Variants in ZBTB17 observed in about 807,000 individuals in gnomAD.
The protein encoded by ZBTB17 is zinc finger and BTB domain-containing protein 17.
In ZBTB17, 24 loss-of-function variants were observed where a neutral mutation model predicts 85.1. The observed-to-expected ratio is 0.28, with a 90% confidence interval of 0.20 to 0.40. The LOEUF (loss-of-function observed/expected upper bound fraction) is 0.40. Among genes scored for constraint, ZBTB17 ranks in the 10% least tolerant of loss-of-function variants. ZBTB17 has a pLI of 1.00. For synonymous variants in ZBTB17, 464 were observed against 460.2 expected (o/e 1.01, Z -0.11); for missense variants, 743 against 1,105.1 (o/e 0.67, Z 4.65).
intron 2 of ZBTB17, among the ~76,000 whole-genome samples, chr1:15,957,652 T>G (rs2072099645): frequency 1.3e-5 from 2 of 152,028 alleles, no homozygotes. Context: ...GGAGGCTTAG[T>G]AGGGGCCCCA....
intron 2 of ZBTB17, among the ~76,000 whole-genome samples, chr1:15,968,964 G>A (rs2072542167): frequency 6.6e-6 from 1 of 152,220 alleles, no homozygotes; most frequent in African/African-American, 2.4e-5. Context: ...GCTGGTCCGT[G>A]GCCTGTTAGG....
chr1:15,968,885 A>T (rs1242229023), intron 2 of ZBTB17, among the ~76,000 whole-genome samples: 1 of 152,202 alleles, frequency 6.6e-6, no homozygotes, highest in Non-Finnish European at 1.5e-5. Flanking sequence ...ACCTTGCAGC[A>T]GGAGGTAAGT....
chr1:15,958,749 A>G (rs2072143434), intron 2 of ZBTB17, among the ~76,000 whole-genome samples: 1 of 152,194 alleles, frequency 6.6e-6, no homozygotes, highest in African/African-American at 2.4e-5. Context: ...CCACACCTAA[A>G]GACAGACGAA....
At chr1:15,944,046 C>T in intron 9 of ZBTB17, 151 bp from the exon 10 acceptor site, 1 of 976,630 alleles carries the variant, frequency 1.0e-6, no homozygotes, top group Non-Finnish European at 1.6e-6. Context: ...GGTCCCAGGT[C>T]CCAGCGGTGA....
intron 1 of ZBTB17, among the ~76,000 whole-genome samples, chr1:15,975,255 A>G (rs972139708): frequency 1.3e-5 from 2 of 152,184 alleles, no homozygotes; most frequent in South Asian, 4.1e-4. Flanking sequence ...CCTTTATTAC[A>G]ATCTTAGGAG....
At chr1:15,947,606 C>A (rs959650383) in intron 3 of ZBTB17, among the ~76,000 whole-genome samples, 1 of 152,124 alleles carries the variant, frequency 6.6e-6, no homozygotes, top group African/African-American at 2.4e-5. Flanking sequence ...TGAATGCCCA[C>A]CCTGCATTGA....
At chr1:15,948,226 C>T in intron 3 of ZBTB17, 65 bp downstream of exon 3, 5 of 1,596,784 alleles carry the variant, frequency 3.1e-6, no homozygotes, top group Non-Finnish European at 4.3e-6. Flanking sequence ...GAGGGCCTAG[C>T]ATGGCACAGG....
At position 15,944,720 on chromosome 1, in the gene ZBTB17, G is replaced by A; in HGVS notation, c.1047C>T (p.Cys349=). 1 of 1,610,400 alleles carries A rather than the reference G, an allele frequency of 6.2e-7. No homozygotes were observed. Among genetic ancestry groups the A allele is most frequent in the Non-Finnish European group, 8.5e-7 (1 of 1,179,900 alleles). Residue 349 remains cysteine, a synonymous_variant, in exon 8 of 16, where the codon TGC becomes TGT. Transcript: ENST00000375743. ...ACCTGTGCGTCTTCTCATGGGCCTTGCACGCGGCCGGGTCGGAAAAGGCCT... is the reference window on the plus strand; with the variant it reads ...ACCTGTGCGTCTTCTCATGGGCCTTACACGCGGCCGGGTCGGAAAAGGCCT... ...CSKAFSDPAA[C]KAHEKTHSPL...
intron 2 of ZBTB17, among the ~76,000 whole-genome samples, chr1:15,967,546 G>T (rs181609045): frequency 4.6e-4 from 70 of 152,018 alleles, no homozygotes; most frequent in South Asian, 2.1e-4. Context: ...TGGGAGGAGA[G>T]GGGGGTAACT....
In ZBTB17 at chr1:15,952,334, C is replaced by G. The variant is rs1179122695; in HGVS notation, c.-2-3837G>C. Among the ~76,000 whole-genome samples, 1 of 152,238 alleles carries G rather than the reference C, an allele frequency of 6.6e-6. No homozygotes were observed. The highest frequency in any genetic ancestry group is 6.5e-5 in the Admixed American group (1 of 15,282). ...AGGTGGACACAGAGCCCTGGGCTCC[C>G]TCACGAGGAATTCACTGGGGAACAA... On this transcript the variant is annotated intron_variant, in intron 2 of 15. Transcript: ENST00000375743. The surrounding 1 kb of genome is among the most constrained non-coding windows in gnomAD (Gnocchi z 4.3).
At position 15,946,171 on chromosome 1, in the gene ZBTB17, G is replaced by A; in HGVS notation, c.518C>T (p.Ala173Val). The A allele has an allele frequency of 6.2e-7, 1 of 1,608,636 alleles. No individual in the cohort carries two copies. Among genetic ancestry groups the A allele is most frequent in the Non-Finnish European group, 8.5e-7 (1 of 1,179,968 alleles). Residue 173 changes from alanine to valine, a missense_variant, in exon 5 of 16, where the codon GCC becomes GTC. This residue lies in a region of ZBTB17 where 279 missense variants were observed against 269.9 expected (regional missense o/e 1.03). Coordinates refer to ENST00000375743, the MANE Select transcript of ZBTB17 (RefSeq NM_003443.3). ...TGACTCACCGCTGGCCGCACTCTGG[G>A]CCTGACCGCCGCGCTCCTCCTTGAG... ...RDLKEERGGQ[A>V]QSAASGAEQT...
At chr1:15,955,223 G>A (rs529542927) in intron 2 of ZBTB17, among the ~76,000 whole-genome samples, 1 of 152,256 alleles carries the variant, frequency 6.6e-6, no homozygotes, top group East Asian at 1.9e-4. Flanking sequence ...GGCCAGGCTT[G>A]TGAGCATGAA....
At chr1:15,971,291 G>T (rs2072641629) in intron 2 of ZBTB17, among the ~76,000 whole-genome samples, 1 of 150,564 alleles carries the variant, frequency 6.6e-6, no homozygotes, top group African/African-American at 2.4e-5. Context: ...TAGGTAGGTG[G>T]GTGGGTGGGG....
At chr1:15,969,627 A>C (rs2072569782) in intron 2 of ZBTB17, 1 of 437,704 alleles carries the variant, frequency 2.3e-6, no homozygotes, top group Non-Finnish European at 4.6e-6. Context: ...CAGGGCAGGG[A>C]GATGATAAAT....
At chr1:15,947,346 C>T in intron 3 of ZBTB17, 1 of 559,542 alleles carries the variant, frequency 1.8e-6, no homozygotes, top group Non-Finnish European at 3.2e-6. Flanking sequence ...TGAATGCCTG[C>T]CCTGCACAGA....
chr1:15,944,608 G>C lies in ZBTB17; in HGVS notation c.1071-8C>G. The C allele has an allele frequency of 6.3e-7, 1 of 1,599,576 alleles. No homozygotes were observed. Among genetic ancestry groups the C allele is most frequent in the South Asian group, 1.1e-5 (1 of 90,950 alleles). ...CCGTAGGGCTTCAGAGGGCTGCAGG[G>C]CCAGAAGGCGACAGGAGGCAGGGCT... On this transcript the variant is annotated splice_region_variant and splice_polypyrimidine_tract_variant and intron_variant, in intron 8 of 15. Coordinates refer to ENST00000375743, the MANE Select transcript of ZBTB17 (RefSeq NM_003443.3).
chr1:15,961,256 A>G (rs1272003986), intron 2 of ZBTB17, among the ~76,000 whole-genome samples: 2 of 152,144 alleles, frequency 1.3e-5, no homozygotes, highest in African/African-American at 4.8e-5. Context: ...ACTTTTTTCC[A>G]TTTAAAACTT....
At position 15,944,282 on chromosome 1, in the gene ZBTB17, C is replaced by A. The variant is rs1210657699; in HGVS notation, c.1371+18G>T. On this transcript the variant is annotated intron_variant, in intron 9 of 15. Coordinates refer to ENST00000375743, the MANE Select transcript of ZBTB17 (RefSeq NM_003443.3). ...ACCGGCGGCTGCCAGGCGCTGGTTC[C>A]GGGAGGGGTCCGCACACCTGGTTGA... 1.3e-6 allele frequency: 2 copies of A among 1,549,672 alleles called. No individual in the cohort carries two copies. Among genetic ancestry groups the A allele is most frequent in the Non-Finnish European group, 1.7e-6 (2 of 1,146,824 alleles).
rs375270613 is a variant in ZBTB17, at chr1:15,943,800, G to A, written c.1459+8C>T. ...GTGTGAGGGCAGCCAGGGCAGCCCT[G>A]GCCCTACCTGAGGTGGTGAACTGCT... is the stretch of plus-strand genomic sequence containing the variant. On this transcript the variant is annotated splice_region_variant and intron_variant, in intron 10 of 15. Transcript: ENST00000375743. 69 of 1,612,414 alleles carry A rather than the reference G, an allele frequency of 4.3e-5. No homozygotes were observed. In the African/African-American group the frequency reaches 7.9e-4, roughly 18 times the overall value.
Sources: allele counts gnomAD v4.1 joint callset (sites outside exome capture counted in the v4.1 genomes callset), GRCh38; gene constraint gnomAD v4.1.1; regional missense constraint gnomAD v4.1.1; non-coding constraint Gnocchi (gnomAD v3.1); transcripts MANE v1.5; gene names NCBI Gene and HGNC (gene_info 2026-07-23, HGNC 2026-07-21).